OR9I1: variants seen among roughly 807,000 people sequenced by gnomAD.
The protein encoded by OR9I1 is olfactory receptor 9I1.
A neutral mutation model predicts 11.2 loss-of-function variants in OR9I1; 7 were observed. The ratio of observed to expected loss-of-function variants is 0.62; its 90% confidence interval spans 0.36 to 1.17. The LOEUF (loss-of-function observed/expected upper bound fraction) is 1.17, where lower values mean the gene tolerates loss of function less well. OR9I1 is among the 50% of genes most tolerant of loss of function. The pLI is 0.02. For synonymous variants in OR9I1, 165 were observed against 153.4 expected, an observed-to-expected ratio of 1.08 and a Z score of -0.56; for missense variants, 428 against 377.2, an observed-to-expected ratio of 1.13 and a Z score of -1.12.
At position 58,122,260 on chromosome 11, in the gene OR9I1, G is replaced by A. The variant is rs183666269; in HGVS notation, c.-23+2178C>T. On this transcript the variant is annotated intron_variant, in intron 2 of 2. Coordinates refer to ENST00000641439, the MANE Select transcript of OR9I1 (RefSeq NM_001005211.2). ...TGGGAGAGAGACATTGACAGATCAC[G>A]TCAAACATGTCCCAGGGCTATTCCA... 2.4e-3 allele frequency among the ~76,000 whole-genome samples: 365 copies of A among 152,236 alleles called. 5 individuals are homozygous for A. The highest frequency in any genetic ancestry group is 8.2e-3 in the African/African-American group (342 of 41,528).
At chr11:58,119,597 G>T in intron 2 of OR9I1, 131 bp from the exon 3 acceptor site, 1 of 585,726 alleles carries the variant, frequency 1.7e-6, no homozygotes, top group South Asian at 2.4e-5. Context: ...GAAACTGGCT[G>T]ATTTTCCTTG....
chr11:58,123,759 C>A (rs911789458), intron 2 of OR9I1, among the ~76,000 whole-genome samples: 1 of 152,126 alleles, frequency 6.6e-6, no homozygotes, highest in Admixed American at 6.5e-5. Flanking sequence ...ACCCTTTATG[C>A]AGATCCAAGC....
intron 2 of OR9I1, among the ~76,000 whole-genome samples, chr11:58,123,962 C>G (rs1051976420): frequency 2.0e-5 from 3 of 152,094 alleles, no homozygotes; most frequent in Admixed American, 6.5e-5. Context: ...AACTGCTCAA[C>G]CAATTGGAAC....
chr11:58,118,917 G>A lies in OR9I1; in HGVS notation c.528C>T (p.Phe176=). 1 of 1,614,048 alleles carries A rather than the reference G, an allele frequency of 6.2e-7. No homozygotes were observed. The highest frequency in any genetic ancestry group is 8.5e-7 in the Non-Finnish European group (1 of 1,180,006). ...GCAGGGGTGGGAGGTCACAGAAGAAGAAGTTTATTTGATTGTCCTTACAGA... is the reference window on the plus strand; with the variant it reads ...GCAGGGGTGGGAGGTCACAGAAGAAAAAGTTTATTTGATTGTCCTTACAGA... The part of the protein sequence containing the change: ...LSFCKDNQIN[F]FFCDLPPLLK... The change falls in exon 3 of 3, where the codon TTC becomes TTT. Residue 176 remains phenylalanine (F), a synonymous_variant. Coordinates refer to ENST00000641439, the MANE Select transcript of OR9I1 (RefSeq NM_001005211.2).
In OR9I1 at chr11:58,118,883, C is replaced by G. The variant is rs150246716; in HGVS notation, c.562G>C (p.Ala188Pro). 8.8e-4 allele frequency: 1,423 copies of G among 1,613,950 alleles called. 9 individuals carry two copies. The African/African-American group carries it at 0.016, about 19-fold the overall frequency. The change falls in exon 3 of 3, where the codon GCC becomes CCC. Residue 188 changes from alanine (A) to proline (P), a missense_variant. Coordinates refer to ENST00000641439, the MANE Select transcript of OR9I1 (RefSeq NM_001005211.2). ...FCDLPPLLKL[A>P]CSDTANIEIV... ...TCGATGTTTGCTGTGTCACTGCAGG[C>G]AAGCTTCAGCAGGGGTGGGAGGTCA... is the stretch of plus-strand genomic sequence containing the variant.
At chr11:58,123,282 C>A (rs918040507) in intron 2 of OR9I1, among the ~76,000 whole-genome samples, 4 of 152,176 alleles carry the variant, frequency 2.6e-5, no homozygotes, top group African/African-American at 9.7e-5. Flanking sequence ...AAAGAAATCT[C>A]CCTGCAGTTA....
Position 58,119,142 on chromosome 11 carries a change from G to A in OR9I1, c.303C>T (p.Phe101=), listed in dbSNP as rs758585477. The part of the protein sequence containing the change: ...VISYGHCAAQ[F]FLFTICAGTE... ...TGCCTGCACAGATGGTGAATAAAAA[G>A]AACTGGGCAGCACAGTGGCCGTAGG... The change falls in exon 3 of 3, where the codon TTC becomes TTT. Residue 101 remains phenylalanine, a synonymous_variant. Transcript: ENST00000641439. The A allele has an allele frequency of 6.2e-6, 10 of 1,613,908 alleles. No homozygotes were observed. Among genetic ancestry groups the A allele is most frequent in the Non-Finnish European group, 8.5e-6 (10 of 1,179,988 alleles).
In OR9I1 at chr11:58,118,867, G is replaced by T. The variant is rs770866825; in HGVS notation, c.578C>A (p.Ala193Glu). Residue 193 changes from alanine to glutamate, a missense_variant, in exon 3 of 3, where the codon GCA (alanine) becomes GAA (glutamate). By Grantham distance (107) the Ala-to-Glu change is moderately radical. Coordinates refer to ENST00000641439, the MANE Select transcript of OR9I1 (RefSeq NM_001005211.2). ...PLLKLACSDT[A>E]NIEIVIIFFG... is the part of the protein sequence containing the mutation. ...GAAGATGATGACAATCTCGATGTTT[G>T]CTGTGTCACTGCAGGCAAGCTTCAG... is the stretch of plus-strand genomic sequence containing the variant. 3 of 1,614,016 alleles carry T rather than the reference G, an allele frequency of 1.9e-6. No individual in the cohort carries two copies.
chr11:58,125,239 GCCC>G (rs1326684125), intron 1 of OR9I1, 32 bp downstream of exon 1: 5 of 85,248 alleles, frequency 5.9e-5, no homozygotes, highest in African/African-American at 2.8e-4. Flanking sequence ...CTTACCCACC[GCCC>G]CCCCCCCAAA....
intron 2 of OR9I1, among the ~76,000 whole-genome samples, chr11:58,122,804 T>TAG (rs2120143846): frequency 6.6e-6 from 1 of 152,256 alleles, no homozygotes; most frequent in Admixed American, 6.5e-5. Context: ...TATCCTTCTA[T>TAG]GTTTATTCTT....
Position 58,119,132 on chromosome 11 carries a change from T to C in OR9I1, c.313A>G (p.Thr105Ala). The C allele has an allele frequency of 1.2e-6, 2 of 1,613,800 alleles. No individual in the cohort carries two copies. Among genetic ancestry groups the C allele is most frequent in the Middle Eastern group, 3.3e-4 (2 of 6,056 alleles). The change falls in exon 3 of 3, where the codon ACC becomes GCC. Residue 105 changes from threonine to alanine, a missense_variant. Thr to Ala is a moderately conservative substitution (Grantham distance 58). Transcript: ENST00000641439. ...AAGCACTCTGTGCCTGCACAGATGG[T>C]GAATAAAAAGAACTGGGCAGCACAG... ...GHCAAQFFLF[T>A]ICAGTECFLL...
intron 2 of OR9I1, among the ~76,000 whole-genome samples, chr11:58,122,406 T>G (rs1854042688): frequency 6.6e-6 from 1 of 152,198 alleles, no homozygotes; most frequent in South Asian, 2.1e-4. Context: ...TGAGTAAACT[T>G]CAAACGTTTA....
rs1457994740 is a variant in OR9I1, at chr11:58,118,748, C to T, written c.697G>A (p.Gly233Ser). ...KTILKVKSSG[G>S]RAKTFSTCAS... ...CATGTGGAGAAAGTCTTGGCCCTGC[C>T]ACCTGAAGACTTCACTTTCAAAATG... Residue 233 changes from glycine to serine, a missense_variant, in exon 3 of 3, where the codon GGC (glycine) becomes AGC (serine). By Grantham distance (56) the Gly-to-Ser change is moderately conservative (BLOSUM62 0). Transcript: ENST00000641439. 4 of 1,613,926 alleles carry T rather than the reference C, an allele frequency of 2.5e-6. No homozygotes were observed. Among genetic ancestry groups the T allele is most frequent in the African/African-American group, 1.3e-5 (1 of 74,914 alleles).
rs1382912194 is a variant in OR9I1, at chr11:58,120,780, T to C, written c.-22-1314A>G. On this transcript the variant is annotated intron_variant, in intron 2 of 2. Coordinates refer to ENST00000641439, the MANE Select transcript of OR9I1 (RefSeq NM_001005211.2). ...TTAATATTGCTATCTTTGTGTAATATATTTGTATCTTTATTTCAATACCAT... is the reference window on the plus strand; with the variant it reads ...TTAATATTGCTATCTTTGTGTAATACATTTGTATCTTTATTTCAATACCAT... 4.8e-5 allele frequency among the ~76,000 whole-genome samples: 7 copies of C among 146,918 alleles called. No individual in the cohort carries two copies. The Admixed American group carries it at 4.9e-4, about 10-fold the overall frequency.
At chr11:58,124,875 A>T (rs1467818001) in intron 1 of OR9I1, among the ~76,000 whole-genome samples, 1 of 152,192 alleles carries the variant, frequency 6.6e-6, no homozygotes, top group Non-Finnish European at 1.5e-5. Flanking sequence ...AATACTATGC[A>T]TTGTAGACAC....
Position 58,116,859 on chromosome 11 carries a change from G to A in OR9I1, c.*1641C>T, listed in dbSNP as rs1244763462. 1 of 152,184 alleles carries A rather than the reference G, an allele frequency of 6.6e-6. No individual in the cohort carries two copies. Among genetic ancestry groups the A allele is most frequent in the African/African-American group, 2.4e-5 (1 of 41,434 alleles). 9.4% of individuals were successfully genotyped at this position (152,184 alleles called of 1,614,324 possible). A position where few individuals can be genotyped will look rare whatever the true frequency, so the allele number is the denominator to read the frequency against. ...ATCAACTTTTCATAAAATCAAAGCTGGGTAGAGGAGTTCATATATTCATAA... is the reference window on the plus strand; with the variant it reads ...ATCAACTTTTCATAAAATCAAAGCTAGGTAGAGGAGTTCATATATTCATAA... On this transcript the variant is annotated 3_prime_UTR_variant, in exon 3 of 3. Transcript: ENST00000641439.
In OR9I1 at chr11:58,118,187, A is replaced by G; in HGVS notation, c.*313T>C. ...GGCAAGCCCAGGCATGAGTTGAGAG[A>G]GTATTGGGTTGGAATGAAATAAACT... On this transcript the variant is annotated 3_prime_UTR_variant, in exon 3 of 3. Coordinates refer to ENST00000641439, the MANE Select transcript of OR9I1 (RefSeq NM_001005211.2). 4.8e-6 allele frequency: 1 copy of G among 208,490 alleles called. No homozygotes were observed. Among genetic ancestry groups the G allele is most frequent in the Non-Finnish European group, 9.6e-6 (1 of 104,540 alleles). 12.9% of individuals were successfully genotyped at this position (208,490 alleles called of 1,614,324 possible). A position where few individuals can be genotyped will look rare whatever the true frequency, so the allele number is the denominator to read the frequency against.
chr11:58,120,429 T>A (rs1854017502), intron 2 of OR9I1, among the ~76,000 whole-genome samples: 1 of 152,136 alleles, frequency 6.6e-6, no homozygotes, highest in Non-Finnish European at 1.5e-5. Context: ...AGAAAATTTA[T>A]TATCTTTTTT....
Position 58,118,623 on chromosome 11 carries a change from C to T in OR9I1, c.822G>A (p.Val274=), listed in dbSNP as rs1317461113. Residue 274 remains valine, a synonymous_variant, in exon 3 of 3, where the codon GTG becomes GTA. Transcript: ENST00000641439. The part of the protein sequence containing the change: ...SGKSLEEDKV[V]SVFYTVVIPM... ...GGATGACCACTGTATAGAAGACAGA[C>T]ACGACTTTGTCTTCCTCCAGAGATT... 6.2e-7 allele frequency: 1 copy of T among 1,613,924 alleles called. No homozygotes were observed. Among genetic ancestry groups the T allele is most frequent in the Non-Finnish European group, 8.5e-7 (1 of 1,179,894 alleles).
Sources: gnomAD v4.1 joint callset for allele counts (sites outside exome capture counted in the v4.1 genomes callset) on GRCh38, gnomAD v4.1.1 for gene constraint, MANE v1.5 for transcripts, NCBI Gene and HGNC (gene_info 2026-07-23, HGNC 2026-07-21) for gene names.